Variants in B3GALT1 observed in about 807,000 individuals in gnomAD.
B3GALT1 encodes the protein UDP-Gal:betaGlcNAc beta 1,3-galactosyltransferase, polypeptide 1.
A neutral mutation model predicts 23.2 loss-of-function variants in B3GALT1; 10 were observed. The observed-to-expected ratio is 0.43, with a 90% CI of 0.27 to 0.73. The LOEUF (loss-of-function observed/expected upper bound fraction) is 0.73. Ranked by LOEUF, B3GALT1 falls within the 30% of genes least tolerant of loss-of-function variation. B3GALT1 has a pLI of 0.21. For synonymous variants in B3GALT1, 156 were observed against 141.5 expected (o/e 1.10, Z -0.73); for missense variants, 299 against 405.4 (o/e 0.74, Z 2.25).
chr2:167,434,994 T>C (rs1377183432), intron 1 of B3GALT1, among the ~76,000 whole-genome samples: 1 of 151,992 alleles, frequency 6.6e-6, no homozygotes, highest in Non-Finnish European at 1.5e-5. Context: ...AGAATGAAAA[T>C]ACTGGGGCTT....
chr2:167,294,338 A>G (rs1387614467), intron 1 of B3GALT1, among the ~76,000 whole-genome samples: 1 of 152,220 alleles, frequency 6.6e-6, no homozygotes, highest in East Asian at 1.9e-4. Context: ...CAGAGTAACC[A>G]GGTTAGGGTA....
At chr2:167,551,859 G>A (rs1683753851) in intron 2 of B3GALT1, among the ~76,000 whole-genome samples, 1 of 152,160 alleles carries the variant, frequency 6.6e-6, no homozygotes, top group African/African-American at 2.4e-5. Context: ...TTGGAGGTCT[G>A]GGAGCACACT....
At chr2:167,713,973 T>C (rs1687103623) in intron 3 of B3GALT1, 15 of 1,557,418 alleles carry the variant, frequency 9.6e-6, no homozygotes, top group South Asian at 7.8e-5. Flanking sequence ...GGACCACTGA[T>C]TGCAGCAAGA....
intron 3 of B3GALT1, among the ~76,000 whole-genome samples, chr2:167,687,809 A>C (rs1170569152): frequency 6.6e-6 from 1 of 152,186 alleles, no homozygotes. Flanking sequence ...CCCCAAAAGC[A>C]CAACTTTAAA....
intron 2 of B3GALT1, among the ~76,000 whole-genome samples, chr2:167,606,574 A>G (rs1684964839): frequency 6.6e-6 from 1 of 152,204 alleles, no homozygotes; most frequent in South Asian, 2.1e-4. Flanking sequence ...TCTACCAAAT[A>G]GATCAATTGT....
At chr2:167,701,325 G>T (rs1235062160) in intron 3 of B3GALT1, among the ~76,000 whole-genome samples, 1 of 152,104 alleles carries the variant, frequency 6.6e-6, no homozygotes, top group African/African-American at 2.4e-5. Context: ...GAGTTCCTGG[G>T]GAAGAGTCTT....
At chr2:167,671,589 A>G (rs1686326421) in intron 3 of B3GALT1, among the ~76,000 whole-genome samples, 1 of 152,150 alleles carries the variant, frequency 6.6e-6, no homozygotes. Context: ...AATGACATTT[A>G]AAAATATCCT....
chr2:167,660,537 C>T (rs2105472085), intron 3 of B3GALT1, among the ~76,000 whole-genome samples: 1 of 152,122 alleles, frequency 6.6e-6, no homozygotes, highest in Non-Finnish European at 1.5e-5. Flanking sequence ...TTTCCATATC[C>T]TAATTTCTTG....
intron 1 of B3GALT1, among the ~76,000 whole-genome samples, chr2:167,294,520 G>A (rs905411461): frequency 1.3e-5 from 2 of 152,242 alleles, no homozygotes; most frequent in African/African-American, 4.8e-5. Flanking sequence ...AGTGCAGTGG[G>A]TTCTCCATCC....
In B3GALT1 at chr2:167,419,251, A is replaced by C. The variant is rs78282319; in HGVS notation, c.-510-70926A>C. On this transcript the variant is annotated intron_variant, in intron 1 of 4. Coordinates refer to ENST00000392690, the MANE Select transcript of B3GALT1 (RefSeq NM_020981.4). ...TGTGATTTCAAATATTATTACACAA[A>C]AAGACAACTGCAAAGTTATTTAAAG... Among the ~76,000 whole-genome samples, 739 of 152,328 alleles carry C rather than the reference A, an allele frequency of 4.9e-3. 6 individuals are homozygous for C. Among genetic ancestry groups the C allele is most frequent in the East Asian group, 0.018 (93 of 5,174 alleles).
At chr2:167,370,722 C>T (rs1395576307) in intron 1 of B3GALT1, among the ~76,000 whole-genome samples, 5 of 152,048 alleles carry the variant, frequency 3.3e-5, no homozygotes, top group Non-Finnish European at 7.4e-5. Flanking sequence ...GTCAGGTGTT[C>T]GAGACCTGTC....
intron 3 of B3GALT1, among the ~76,000 whole-genome samples, chr2:167,687,153 C>T (rs534982830): frequency 6.6e-6 from 1 of 152,290 alleles, no homozygotes; most frequent in South Asian, 2.1e-4. Flanking sequence ...ACCTGAAAAG[C>T]TCTCTTAGAC....
At chr2:167,705,732 T>C (rs961147831) in intron 3 of B3GALT1, among the ~76,000 whole-genome samples, 24 of 152,352 alleles carry the variant, frequency 1.6e-4, no homozygotes, top group African/African-American at 5.8e-4. Context: ...TCTAGGCAGT[T>C]TTCAGAAACT....
chr2:167,348,087 AC>A (rs1028699861), intron 1 of B3GALT1, among the ~76,000 whole-genome samples: 2 of 152,196 alleles, frequency 1.3e-5, no homozygotes, highest in African/African-American at 4.8e-5. Flanking sequence ...AAATTATGGA[AC>A]CATTGTGATG....
At chr2:167,627,233 A>G (rs926029885) in intron 2 of B3GALT1, among the ~76,000 whole-genome samples, 15 of 151,668 alleles carry the variant, frequency 9.9e-5, no homozygotes, top group Non-Finnish European at 1.9e-4. Context: ...TAACAGACCT[A>G]TACAGCTGTG....
intron 2 of B3GALT1, among the ~76,000 whole-genome samples, chr2:167,592,905 AAAAAG>A (rs1369726975): frequency 5.9e-5 from 9 of 152,250 alleles, no homozygotes; most frequent in Non-Finnish European, 7.3e-5. Context: ...AAAAGAAACA[AAAAAG>A]AAAAGAAAAA....
At chr2:167,445,684 C>T (rs1416646102) in intron 1 of B3GALT1, among the ~76,000 whole-genome samples, 1 of 152,050 alleles carries the variant, frequency 6.6e-6, no homozygotes, top group Non-Finnish European at 1.5e-5. Context: ...AGGATTGGAA[C>T]CCCTGCTTTT....
chr2:167,500,843 G>A (rs1292362057), intron 2 of B3GALT1, among the ~76,000 whole-genome samples: 1 of 152,154 alleles, frequency 6.6e-6, no homozygotes, highest in Non-Finnish European at 1.5e-5. Context: ...ATGGGAAGAA[G>A]TTGGTGCCAA....
rs141177646 is a variant in B3GALT1 at position 167,332,778 on chromosome 2, A to T, written c.-511+39444A>T. ...AGCCCCACTAACAGGCCCTCTAAGG[A>T]TCTCATAGAGAACAAATGCAAATCA... On this transcript the variant is annotated intron_variant, in intron 1 of 4. Coordinates refer to ENST00000392690, the MANE Select transcript of B3GALT1 (RefSeq NM_020981.4). Among the ~76,000 whole-genome samples, 244 of 152,290 alleles carry T rather than the reference A, an allele frequency of 1.6e-3. 3 individuals are homozygous for T. The highest frequency in any genetic ancestry group is 5.7e-3 in the African/African-American group (238 of 41,556).
Sources: gnomAD v4.1 joint callset for allele counts (sites outside exome capture counted in the v4.1 genomes callset) on GRCh38, gnomAD v4.1.1 for gene constraint, MANE v1.5 for transcripts, NCBI Gene and HGNC (gene_info 2026-07-23, HGNC 2026-07-21) for gene names.